The following NOSIP variants were observed in gnomAD, a reference collection of about 807,000 sequenced individuals.
NOSIP encodes nitric oxide synthase-interacting protein.
A neutral mutation model predicts 36.4 loss-of-function variants in NOSIP; 25 were observed. The ratio of observed to expected loss-of-function variants is 0.69; its 90% CI spans 0.50 to 0.96. The LOEUF (loss-of-function observed/expected upper bound fraction) is 0.96, where lower values mean the gene tolerates loss of function less well. Among genes scored for constraint, NOSIP ranks in the 40% least tolerant of loss-of-function variants. NOSIP has a pLI of 0.00. For missense variants in NOSIP, 370 were observed against 429.0 expected (o/e 0.86, Z 1.21); for synonymous variants, 187 against 179.2 (o/e 1.04, Z -0.35).
rs1568724914 is a variant in NOSIP, at chr19:49,560,000, C to T, written c.110G>A (p.Arg37Gln). The T allele has an allele frequency of 2.5e-6, 4 of 1,613,800 alleles. No homozygotes were observed. The highest frequency in any genetic ancestry group is 1.1e-5 in the South Asian group (1 of 91,042). The change falls in exon 3 of 9, where the codon CGG becomes CAG. Residue 37 changes from arginine to glutamine, a missense_variant. Coordinates refer to ENST00000596358, the MANE Select transcript of NOSIP (RefSeq NM_001270960.2). Reference sequence around the variant, plus strand: ...GCAGTCGAAGTCCTTCACGGCATCCCGGCTCAGTCGAATGTTCTGGGTCCC... The same window carrying T: ...GCAGTCGAAGTCCTTCACGGCATCCTGGCTCAGTCGAATGTTCTGGGTCCC... ...GYGTQNIRLS[R>Q]DAVKDFDCCC...
rs1488575532 is a variant in NOSIP at position 49,560,649 on chromosome 19, T to C, written c.43A>G (p.Thr15Ala). The C allele has an allele frequency of 6.3e-7, 1 of 1,596,574 alleles. No individual in the cohort carries two copies. Among genetic ancestry groups the C allele is most frequent in the Non-Finnish European group, 8.5e-7 (1 of 1,171,204 alleles). ...GTGTCCTTCTTCTTCTCGTGGTAGG[T>C]GTAGACGGCCCCTGCGGTGCAGTTC... ...GKNCTAGAVY[T>A]YHEKKKDTAA... The change falls in exon 2 of 9, where the codon ACC becomes GCC. Residue 15 changes from threonine to alanine, a missense_variant. By Grantham distance (58) the Thr-to-Ala change is moderately conservative. Coordinates refer to ENST00000596358, the MANE Select transcript of NOSIP (RefSeq NM_001270960.2). This position sits in a 1 kb window ranked among gnomAD's most constrained non-coding sequence, Gnocchi z 4.6.
chr19:49,561,216 C>T (rs918047516), intron 1 of NOSIP, among the ~76,000 whole-genome samples: 11 of 152,080 alleles, frequency 7.2e-5, no homozygotes, highest in East Asian at 1.9e-4. Flanking sequence ...AGTCCACTAG[C>T]GACTGGATCT....
chr19:49,574,453 A>C (rs2122184056), intron 1 of NOSIP, among the ~76,000 whole-genome samples: 1 of 152,350 alleles, frequency 6.6e-6, no homozygotes, highest in East Asian at 1.9e-4. Context: ...GGGCCTGGAT[A>C]GTCACAGGAT....
intron 4 of NOSIP, chr19:49,558,638 A>AGACAGC (rs758084194): frequency 4.2e-6 from 2 of 478,426 alleles, no homozygotes; most frequent in Non-Finnish European, 7.6e-6. Context: ...GGCATGTGTC[A>AGACAGC]GACAGCCACA....
In NOSIP at chr19:49,560,729, C is replaced by A; in HGVS notation, c.-1-37G>T. The A allele has an allele frequency of 1.3e-6, 2 of 1,501,722 alleles. No individual in the cohort carries two copies. Among genetic ancestry groups the A allele is most frequent in the Non-Finnish European group, 1.8e-6 (2 of 1,097,962 alleles). The allele number at this position is 1,501,722 out of a possible 1,614,324, so 93.0% of individuals were successfully genotyped here. On this transcript the variant is annotated intron_variant, in intron 1 of 8. Transcript: ENST00000596358. The surrounding 1 kb of genome is among the most constrained non-coding windows in gnomAD (Gnocchi z 4.6). ...GGGACAGTGGCAGGACTGTGGTTAC[C>A]GGAGGCAGGCAGCACAGGGAAGACC...
chr19:49,569,364 T>A (rs1036559201), intron 1 of NOSIP, among the ~76,000 whole-genome samples: 1 of 149,548 alleles, frequency 6.7e-6, no homozygotes. Context: ...CAGCTAATTT[T>A]TTTTATTTTT....
intron 4 of NOSIP, 57 bp from the exon 5 acceptor site, chr19:49,557,306 C>T (rs755707045): frequency 1.3e-6 from 2 of 1,510,656 alleles, no homozygotes; most frequent in Non-Finnish European, 1.8e-6. Context: ...TATCTTCCTC[C>T]CATTTCACAG....
chr19:49,559,356 AAAAC>A (rs1161251189), intron 3 of NOSIP: 6 of 201,570 alleles, frequency 3.0e-5, no homozygotes, highest in Admixed American at 5.3e-5. Context: ...CTCTCTACAA[AAAAC>A]AAACAAAAAC....
chr19:49,576,770 G>A (rs550313534), intron 1 of NOSIP, among the ~76,000 whole-genome samples: 9 of 151,406 alleles, frequency 5.9e-5, no homozygotes, highest in African/African-American at 1.7e-4. Context: ...TGTAATCCCA[G>A]CTACTCGGGA....
At chr19:49,575,566 T>A (rs577294932) in intron 1 of NOSIP, among the ~76,000 whole-genome samples, 8 of 152,170 alleles carry the variant, frequency 5.3e-5, no homozygotes, top group African/African-American at 1.9e-4. Flanking sequence ...TTTAATCAAG[T>A]CTTTACATTC....
chr19:49,560,067 GA>G lies in NOSIP; in HGVS notation c.71-29del. ...GGGGACAGAGATGGGCAGAGTGATG[GA>G]GGGGCGGAGCAACAGGAGACATGTC... On this transcript the variant is annotated intron_variant, in intron 2 of 8. Coordinates refer to ENST00000596358, the MANE Select transcript of NOSIP (RefSeq NM_001270960.2). The surrounding 1 kb of genome is among the most constrained non-coding windows in gnomAD (Gnocchi z 4.6). 6.7e-7 allele frequency: 1 copy of G among 1,493,930 alleles called. No individual in the cohort carries two copies. The highest frequency in any genetic ancestry group is 9.3e-7 in the Non-Finnish European group (1 of 1,075,884). 92.5% of individuals were successfully genotyped at this position (1,493,930 alleles called of 1,614,324 possible). A position where few individuals can be genotyped will look rare whatever the true frequency, so the allele number is the denominator to read the frequency against.
At chr19:49,563,660 A>AT (rs1445098330) in intron 1 of NOSIP, among the ~76,000 whole-genome samples, 7 of 151,538 alleles carry the variant, frequency 4.6e-5, no homozygotes, top group African/African-American at 1.5e-4. Flanking sequence ...TACCCAGCTA[A>AT]TTTTTTGTAT....
chr19:49,564,350 A>G (rs1380436354), intron 1 of NOSIP, among the ~76,000 whole-genome samples: 1 of 143,748 alleles, frequency 7.0e-6, no homozygotes, highest in Non-Finnish European at 1.5e-5. Context: ...GCTACTGGGG[A>G]GGCTGAGGCA....
In NOSIP at chr19:49,556,966, C is replaced by A. The variant is rs1170597053; in HGVS notation, c.446G>T (p.Gly149Val). The change falls in exon 6 of 9, where the codon GGT becomes GTT. Residue 149 changes from glycine to valine, a missense_variant. Physicochemically the swap from Gly to Val is moderately radical, Grantham distance 109. Around this residue, in one of 3 missense-constraint regions of NOSIP, gnomAD observed 315 missense variants for 331.9 expected, o/e 0.95. Coordinates refer to ENST00000596358, the MANE Select transcript of NOSIP (RefSeq NM_001270960.2). Reference protein sequence around the residue: ...PDDVQPGPSVGPPSKDKDKVL... With the variant: ...PDDVQPGPSVVPPSKDKDKVL... Reference sequence around the variant, plus strand: ...TTTGTCCTTGTCCTTACTTGGAGGACCCACACTGGGCCCAGGTTGGACATC... The same window carrying A: ...TTTGTCCTTGTCCTTACTTGGAGGAACCACACTGGGCCCAGGTTGGACATC... The A allele has an allele frequency of 1.9e-6, 3 of 1,611,500 alleles. No homozygotes were observed. In the Admixed American group the frequency reaches 5.0e-5, roughly 27 times the overall value.
At chr19:49,576,914 G>C (rs1252867375) in intron 1 of NOSIP, among the ~76,000 whole-genome samples, 1 of 147,668 alleles carries the variant, frequency 6.8e-6, no homozygotes, top group East Asian at 2.0e-4. Context: ...AAAAAATCAG[G>C]ATATCTGATA....
In NOSIP at chr19:49,559,293, A is replaced by G. The variant is rs191741403; in HGVS notation, c.177-315T>C. 1,446 of 270,686 alleles carry G rather than the reference A, an allele frequency of 5.3e-3. 20 individuals carry two copies. The highest frequency in any genetic ancestry group is 0.031 in the African/African-American group (1,376 of 44,984). The allele number at this position is 270,686 out of a possible 1,614,324, so 16.8% of individuals were successfully genotyped here. On this transcript the variant is annotated intron_variant, in intron 3 of 8. Coordinates refer to ENST00000596358, the MANE Select transcript of NOSIP (RefSeq NM_001270960.2). ...TTCTCTCAGCAACAATGTGTGCCAC[A>G]TATTGTTGCAGCCACGAGTTCGAGA...
Position 49,560,204 on chromosome 19 carries a change from T to C in NOSIP, c.71-165A>G. ...CTGCCTGTGTGCTGGGGCCACGGGC[T>C]GAACCCACAGGGAGTTGTCAACCCT... is the stretch of plus-strand genomic sequence containing the variant. On this transcript the variant is annotated intron_variant, in intron 2 of 8. Transcript: ENST00000596358. The surrounding 1 kb of genome is among the most constrained non-coding windows in gnomAD (Gnocchi z 4.6). 1.7e-6 allele frequency: 1 copy of C among 605,088 alleles called. No homozygotes were observed. Among genetic ancestry groups the C allele is most frequent in the East Asian group, 2.8e-5 (1 of 35,846 alleles). The allele number at this position is 605,088 out of a possible 1,614,324, so 37.5% of individuals were successfully genotyped here.
chr19:49,576,138 A>C (rs1411751298), intron 1 of NOSIP, among the ~76,000 whole-genome samples: 2 of 123,576 alleles, frequency 1.6e-5, no homozygotes, highest in Non-Finnish European at 3.0e-5. Flanking sequence ...CCATCTTATA[A>C]AAAAAAAATG....
chr19:49,568,709 C>T (rs1483117703), intron 1 of NOSIP, among the ~76,000 whole-genome samples: 1 of 150,894 alleles, frequency 6.6e-6, no homozygotes, highest in African/African-American at 2.4e-5. Context: ...CTTTGGGAAA[C>T]CAAGGCAGGA....
Sources: gnomAD v4.1 joint callset for allele counts (sites outside exome capture counted in the v4.1 genomes callset) on GRCh38, gnomAD v4.1.1 for gene constraint, gnomAD v4.1.1 regional missense constraint, Gnocchi (gnomAD v3.1) non-coding constraint, MANE v1.5 for transcripts, NCBI Gene and HGNC (gene_info 2026-07-23, HGNC 2026-07-21) for gene names.